Variants in MSRA observed in about 807,000 individuals in gnomAD.
MSRA encodes the protein mitochondrial peptide methionine sulfoxide reductase.
In MSRA, 54 loss-of-function variants were observed where a neutral mutation model predicts 31.3. The observed-to-expected ratio is 1.73, with a 90% CI of 1.39 to 2.17. The LOEUF (loss-of-function observed/expected upper bound fraction) is 2.17. Among genes scored for constraint, MSRA ranks in the 30% most tolerant of loss-of-function variants. The pLI is 0.00. For missense variants in MSRA, 507 were observed against 300.9 expected (o/e 1.69, Z -5.07); for synonymous variants, 169 against 116.5 (o/e 1.45, Z -2.90).
intron 5 of MSRA, among the ~76,000 whole-genome samples, chr8:10,420,179 C>T (rs1808724241): frequency 6.6e-6 from 1 of 151,330 alleles, no homozygotes; most frequent in South Asian, 2.1e-4. Context: ...ATGCCAGTCA[C>T]AAAAAGACAT....
chr8:10,119,637 A>C (rs1376343864), intron 1 of MSRA, among the ~76,000 whole-genome samples: 1 of 152,236 alleles, frequency 6.6e-6, no homozygotes, highest in African/African-American at 2.4e-5. Flanking sequence ...AGACACAAGC[A>C]TTGAGTGATC....
At chr8:10,200,932 G>C (rs1424378341) in intron 1 of MSRA, among the ~76,000 whole-genome samples, 1 of 152,160 alleles carries the variant, frequency 6.6e-6, no homozygotes, top group Non-Finnish European at 1.5e-5. Context: ...AGAACGCTCA[G>C]TCAGTGTCCT....
At chr8:10,368,530 G>A (rs1321394985) in intron 5 of MSRA, among the ~76,000 whole-genome samples, 1 of 152,232 alleles carries the variant, frequency 6.6e-6, no homozygotes, top group Admixed American at 6.5e-5. Context: ...GCGACTCATG[G>A]CCAACACCGG....
At chr8:10,138,644 G>C (rs903622859) in intron 1 of MSRA, among the ~76,000 whole-genome samples, 8 of 152,138 alleles carry the variant, frequency 5.3e-5, no homozygotes, top group Non-Finnish European at 1.0e-4. Flanking sequence ...TTTGCATTTT[G>C]AATGGAATAG....
intron 1 of MSRA, among the ~76,000 whole-genome samples, chr8:10,159,948 T>A (rs890455601): frequency 6.6e-6 from 1 of 152,244 alleles, no homozygotes; most frequent in African/African-American, 2.4e-5. Flanking sequence ...ACTTATAAAG[T>A]TTCCTTTGGT....
In MSRA at chr8:10,428,270, TG is replaced by T; in HGVS notation, c.671del (p.Gly224AlafsTer25). 2 of 1,614,008 alleles carry T rather than the reference TG, an allele frequency of 1.2e-6. No homozygotes were observed. The highest frequency in any genetic ancestry group is 1.7e-6 in the Non-Finnish European group (2 of 1,179,956). ...SKNPNGYCGL[G>X]GTGVSCPVGI... ...AGAACCCCAATGGCTACTGCGGCCTTGGGGGCACCGGCGTGTCCTGCCCAGT... is the reference window on the plus strand; with the variant it reads ...AGAACCCCAATGGCTACTGCGGCCTTGGGGCACCGGCGTGTCCTGCCCAGT... On this transcript the variant is annotated frameshift_variant, in exon 6 of 6. Coordinates refer to ENST00000317173, the MANE Select transcript of MSRA (RefSeq NM_012331.5). LOFTEE classifies it high-confidence loss of function.
rs1364557825 is a variant in MSRA, at chr8:10,405,084, C to A, written c.544-23064C>A. Among the ~76,000 whole-genome samples the A allele has an allele frequency of 2.0e-5, 3 of 152,192 alleles. No homozygotes were observed. The East Asian group carries it at 5.8e-4, about 29-fold the overall frequency. On this transcript the variant is annotated intron_variant, in intron 5 of 5. Transcript: ENST00000317173. ...ATGTCGGACAGGAGAGACTCGTGGC[C>A]ACCGCTCCAGTGTCCATGAGAGCCC...
At chr8:10,243,237 A>C (rs1354020781) in intron 2 of MSRA, among the ~76,000 whole-genome samples, 2 of 151,998 alleles carry the variant, frequency 1.3e-5, no homozygotes, top group Non-Finnish European at 2.9e-5. Flanking sequence ...TTATTCAACA[A>C]ACTCTGCAGA....
At chr8:10,373,361 G>A (rs914183733) in intron 5 of MSRA, among the ~76,000 whole-genome samples, 18 of 152,258 alleles carry the variant, frequency 1.2e-4, no homozygotes, top group Admixed American at 5.2e-4. Flanking sequence ...TCTGACCAGT[G>A]GTTTTTTTCT....
Position 10,207,998 on chromosome 8 carries a change from G to C in MSRA, c.211+97G>C. 4.5e-6 allele frequency: 4 copies of C among 882,186 alleles called. No homozygotes were observed. The South Asian group carries it at 7.3e-5, about 16-fold the overall frequency. 54.6% of individuals were successfully genotyped at this position (882,186 alleles called of 1,614,324 possible). A position where few individuals can be genotyped will look rare whatever the true frequency, so the allele number is the denominator to read the frequency against. ...AGTGTTCTCAGGGCTTCAAAATCTG[G>C]GCTCTTCTAGATATTTACAAGTTGT... is the stretch of plus-strand genomic sequence containing the variant. On this transcript the variant is annotated intron_variant, in intron 2 of 5. Transcript: ENST00000317173.
intron 1 of MSRA, among the ~76,000 whole-genome samples, chr8:10,185,508 G>GCGT (rs36071021): frequency 0.35 from 53,379 of 151,574 alleles, 10,068 homozygotes; most frequent in East Asian, 0.5. Context: ...ATCAGCTCTG[G>GCGT]GCACAGCTTA....
intron 3 of MSRA, among the ~76,000 whole-genome samples, chr8:10,282,411 G>A (rs941819025): frequency 3.3e-5 from 5 of 152,206 alleles, no homozygotes; most frequent in Admixed American, 2.6e-4. Flanking sequence ...TATCTGCCAA[G>A]ATGAAAGCTA....
chr8:10,297,418 T>G (rs1166906032), intron 3 of MSRA, among the ~76,000 whole-genome samples: 1 of 152,202 alleles, frequency 6.6e-6, no homozygotes, highest in Non-Finnish European at 1.5e-5. Context: ...GTCACATCTA[T>G]CATGCTATGT....
intron 1 of MSRA, among the ~76,000 whole-genome samples, chr8:10,077,817 G>T (rs142258229): frequency 1.2e-4 from 19 of 152,120 alleles, no homozygotes; most frequent in Non-Finnish European, 2.9e-5. Flanking sequence ...CCATTTAGGA[G>T]GAGACTGTTG....
At chr8:10,099,437 G>A (rs1452337160) in intron 1 of MSRA, among the ~76,000 whole-genome samples, 1 of 152,102 alleles carries the variant, frequency 6.6e-6, no homozygotes, top group African/African-American at 2.4e-5. Flanking sequence ...GGAGAGGATA[G>A]GAATAATTGA....
chr8:10,267,422 G>C (rs186910277), intron 3 of MSRA, among the ~76,000 whole-genome samples: 3 of 152,156 alleles, frequency 2.0e-5, no homozygotes, highest in African/African-American at 7.2e-5. Context: ...GGGATATGTG[G>C]CTTTTTTTCT....
At chr8:10,319,511 G>C (rs746548327) in intron 4 of MSRA, among the ~76,000 whole-genome samples, 3 of 151,914 alleles carry the variant, frequency 2.0e-5, no homozygotes, top group Non-Finnish European at 2.9e-5. Context: ...CTTCCATACA[G>C]GTATCTCCTT....
At position 10,127,167 on chromosome 8, in the gene MSRA, C is replaced by T. The variant is rs578013671; in HGVS notation, c.142+72509C>T. Among the ~76,000 whole-genome samples, 13 of 152,232 alleles carry T rather than the reference C, an allele frequency of 8.5e-5. 1 individual carries two copies. The South Asian group carries it at 2.3e-3, about 27-fold the overall frequency. On this transcript the variant is annotated intron_variant, in intron 1 of 5. Transcript: ENST00000317173. ...CTCTGTAGGATATCTGTTGAGATTG[C>T]CTAGAATTTTTTTTTCTTTACTCTT...
intron 5 of MSRA, among the ~76,000 whole-genome samples, chr8:10,407,154 G>A (rs917468437): frequency 6.6e-6 from 1 of 152,228 alleles, no homozygotes; most frequent in African/African-American, 2.4e-5. Context: ...TGGGAGTGTA[G>A]GCAGAAGCCA....
Sources: gnomAD v4.1 joint callset for allele counts (sites outside exome capture counted in the v4.1 genomes callset) on GRCh38, gnomAD v4.1.1 for gene constraint, MANE v1.5 for transcripts, NCBI Gene and HGNC (gene_info 2026-07-23, HGNC 2026-07-21) for gene names.